Variants in GGACT observed in about 807,000 individuals in gnomAD.
The protein encoded by GGACT is gamma-glutamylamine cyclotransferase.
For missense variants in GGACT, 241 were observed against 233.2 expected, an observed-to-expected ratio of 1.03 and a Z score of -0.22; for synonymous variants, 118 against 115.3, an observed-to-expected ratio of 1.02 and a Z score of -0.15.
At chr13:100,565,128 C>A (rs2088799774) in intron 2 of GGACT, among the ~76,000 whole-genome samples, 1 of 152,202 alleles carries the variant, frequency 6.6e-6, no homozygotes, top group Non-Finnish European at 1.5e-5. Context: ...TGGCTCTACT[C>A]TAAGAATTCA....
chr13:100,571,668 G>C (rs1350513552), intron 2 of GGACT, among the ~76,000 whole-genome samples: 1 of 152,078 alleles, frequency 6.6e-6, no homozygotes, highest in Non-Finnish European at 1.5e-5. Context: ...GTAAAACCCT[G>C]CCGTGTTTCA....
chr13:100,579,993 C>T (rs1486606391), intron 2 of GGACT: 2 of 152,210 alleles, frequency 1.3e-5, no homozygotes, highest in Non-Finnish European at 2.9e-5. Context: ...CCTGTCAGCC[C>T]AAAGCCCCCT....
intron 2 of GGACT, among the ~76,000 whole-genome samples, chr13:100,565,078 G>A (rs956487527): frequency 2.6e-5 from 4 of 152,194 alleles, no homozygotes; most frequent in Non-Finnish European, 4.4e-5. Flanking sequence ...GATGGCCGCC[G>A]CCTCCTTCCC....
Position 100,534,225 on chromosome 13 carries a change from C to T in GGACT, c.-10-1624G>A, listed in dbSNP as rs1392230573. Among the ~76,000 whole-genome samples the T allele has an allele frequency of 2.0e-5, 3 of 152,238 alleles. No individual in the cohort carries two copies. Among genetic ancestry groups the T allele is most frequent in the Non-Finnish European group, 2.9e-5 (2 of 68,042 alleles). ...TGCAACAACAGTATTCCCCAGATTT[C>T]AGGCACATTGCACTAGGAAAGGTGT... On this transcript the variant is annotated intron_variant, in intron 2 of 2. Coordinates refer to ENST00000683975, the MANE Select transcript of GGACT (RefSeq NM_001195087.2). The surrounding 1 kb of genome is among the most constrained non-coding windows in gnomAD (Gnocchi z 4.9).
intron 2 of GGACT, among the ~76,000 whole-genome samples, chr13:100,553,269 C>T (rs2088682386): frequency 6.6e-6 from 1 of 152,016 alleles, no homozygotes; most frequent in Non-Finnish European, 1.5e-5. Context: ...CAAGGACCGG[C>T]AATTCCACTC....
intron 2 of GGACT, among the ~76,000 whole-genome samples, chr13:100,582,039 T>G (rs1875435488): frequency 6.6e-6 from 1 of 152,208 alleles, no homozygotes; most frequent in African/African-American, 2.4e-5. Flanking sequence ...CAGTATGCGC[T>G]CATGAAATAT....
chr13:100,550,858 T>G (rs2088656665), intron 2 of GGACT, among the ~76,000 whole-genome samples: 1 of 152,230 alleles, frequency 6.6e-6, no homozygotes, highest in South Asian at 2.1e-4. Context: ...GTTCTTTCAG[T>G]CATGAAGTTA....
chr13:100,568,104 C>T (rs1162466304), intron 2 of GGACT, among the ~76,000 whole-genome samples: 2 of 152,188 alleles, frequency 1.3e-5, no homozygotes, highest in African/African-American at 4.8e-5. Flanking sequence ...TAACTAGGCA[C>T]ATGGGTCACT....
chr13:100,574,312 C>T (rs1875186436), intron 2 of GGACT, among the ~76,000 whole-genome samples: 1 of 152,184 alleles, frequency 6.6e-6, no homozygotes, highest in Non-Finnish European at 1.5e-5. Context: ...GTGGCTCATA[C>T]CTGTAATCCC....
At position 100,531,448 on chromosome 13, in the gene GGACT, A is replaced by G. The variant is rs1004108498; in HGVS notation, c.*682T>C. Reference sequence around the variant, plus strand: ...GTCCGGGCGCTCAGCTGTGTCTACCAGCAAGTGGGTGTTCATTATTTTGCT... The same window carrying G: ...GTCCGGGCGCTCAGCTGTGTCTACCGGCAAGTGGGTGTTCATTATTTTGCT... On this transcript the variant is annotated 3_prime_UTR_variant, in exon 3 of 3. Transcript: ENST00000683975. 3.3e-5 allele frequency: 5 copies of G among 152,250 alleles called. No individual in the cohort carries two copies. The highest frequency in any genetic ancestry group is 4.8e-5 in the African/African-American group (2 of 41,466). The allele number at this position is 152,250 out of a possible 1,614,324, so 9.4% of individuals were successfully genotyped here. A position where few individuals can be genotyped will look rare whatever the true frequency, so the allele number is the denominator to read the frequency against.
intron 2 of GGACT, chr13:100,580,255 G>A (rs1875375619): frequency 6.6e-6 from 1 of 152,260 alleles, no homozygotes; most frequent in Non-Finnish European, 1.5e-5. Context: ...GCACGGCAAA[G>A]GGACTTTGCA....
intron 2 of GGACT, among the ~76,000 whole-genome samples, chr13:100,541,484 C>T (rs1345255107): frequency 1.3e-5 from 2 of 152,158 alleles, no homozygotes; most frequent in Non-Finnish European, 2.9e-5. Flanking sequence ...TCCCTCTTCC[C>T]CTTGGCCCTT....
intron 2 of GGACT, among the ~76,000 whole-genome samples, chr13:100,566,065 C>G (rs1034249557): frequency 1.3e-5 from 2 of 152,342 alleles, no homozygotes; most frequent in South Asian, 4.1e-4. Context: ...AGGACCAAGG[C>G]ATGCCAGCTG....
chr13:100,584,862 GA>G (rs1365685262), intron 1 of GGACT, among the ~76,000 whole-genome samples: 2 of 151,982 alleles, frequency 1.3e-5, no homozygotes, highest in African/African-American at 2.4e-5. Context: ...AAAAGAAAAA[GA>G]AAAAATGTCT....
chr13:100,556,150 G>T (rs369901262), intron 2 of GGACT, among the ~76,000 whole-genome samples: 2 of 152,124 alleles, frequency 1.3e-5, no homozygotes, highest in East Asian at 3.8e-4. Flanking sequence ...GGAAGAAAAA[G>T]AAATAAAAGG....
intron 2 of GGACT, among the ~76,000 whole-genome samples, chr13:100,578,156 G>A (rs1266234687): frequency 6.6e-6 from 1 of 152,150 alleles, no homozygotes; most frequent in East Asian, 1.9e-4. Context: ...AACACCAAGT[G>A]CACTCCTCTT....
At chr13:100,563,447 A>G (rs1239532621) in intron 2 of GGACT, among the ~76,000 whole-genome samples, 1 of 152,208 alleles carries the variant, frequency 6.6e-6, no homozygotes, top group African/African-American at 2.4e-5. Flanking sequence ...GGAATCCTTC[A>G]CTTTTAAATG....
chr13:100,562,589 A>G (rs1412347937), intron 2 of GGACT, among the ~76,000 whole-genome samples: 1 of 152,152 alleles, frequency 6.6e-6, no homozygotes, highest in Non-Finnish European at 1.5e-5. Context: ...TGAGGTCACG[A>G]GTTTGAGACC....
intron 2 of GGACT, among the ~76,000 whole-genome samples, chr13:100,547,516 G>A (rs1349809979): frequency 6.6e-6 from 1 of 152,236 alleles, no homozygotes; most frequent in Non-Finnish European, 1.5e-5. Context: ...AGGCAGGCAG[G>A]CCCCGCGCAG....
Sources: allele counts gnomAD v4.1 joint callset (sites outside exome capture counted in the v4.1 genomes callset), GRCh38; gene constraint gnomAD v4.1.1; non-coding constraint Gnocchi (gnomAD v3.1); transcripts MANE v1.5; gene names NCBI Gene and HGNC (gene_info 2026-07-23, HGNC 2026-07-21).